VDAC2: variants seen among roughly 807,000 people sequenced by gnomAD.
VDAC2 encodes the protein non-selective voltage-gated ion channel VDAC2.
Under a neutral mutation model 36.6 loss-of-function variants are expected in VDAC2, and 6 were observed. The observed-to-expected ratio is 0.16, with a 90% CI of 0.09 to 0.32. The LOEUF (loss-of-function observed/expected upper bound fraction) is 0.32, where lower values mean the gene tolerates loss of function less well. Ranked by LOEUF, VDAC2 falls within the 10% of genes least tolerant of loss-of-function variation. VDAC2 has a pLI of 1.00. For missense variants in VDAC2, 247 were observed against 346.0 expected (o/e 0.71, Z 2.27); for synonymous variants, 109 against 123.8 (o/e 0.88, Z 0.79).
intron 3 of VDAC2, 149 bp downstream of exon 3, chr10:75,212,447 C>T: frequency 4.1e-6 from 3 of 733,484 alleles, no homozygotes; most frequent in Non-Finnish European, 6.6e-6. Flanking sequence ...GGGTCTCCCT[C>T]TGTTGCCCAG....
intron 4 of VDAC2, among the ~76,000 whole-genome samples, chr10:75,215,851 A>T (rs1405561106): frequency 2.0e-5 from 3 of 151,728 alleles, no homozygotes; most frequent in Non-Finnish European, 4.4e-5. Context: ...CCTCCCAAGT[A>T]GCTGGGATTA....
At chr10:75,211,802 C>A in intron 2 of VDAC2, 1 of 1,086,474 alleles carries the variant, frequency 9.2e-7, no homozygotes, top group Non-Finnish European at 1.3e-6. Flanking sequence ...TTCCCCTCAG[C>A]GAAGATATTA....
chr10:75,213,707 G>A (rs1841503072), intron 3 of VDAC2, among the ~76,000 whole-genome samples: 1 of 152,138 alleles, frequency 6.6e-6, no homozygotes, highest in South Asian at 2.1e-4. Flanking sequence ...TCGTGCCACT[G>A]CACTCCAGCC....
At chr10:75,225,691 A>C (rs573792481) in intron 8 of VDAC2, among the ~76,000 whole-genome samples, 1 of 152,332 alleles carries the variant, frequency 6.6e-6, no homozygotes, top group South Asian at 2.1e-4. Context: ...TCCTGTGACT[A>C]AAGTCTCATT....
chr10:75,229,540 G>A lies in VDAC2; in HGVS notation c.736-104G>A, dbSNP rs868427014. The A allele has an allele frequency of 2.1e-5, 18 of 852,024 alleles. No homozygotes were observed. The Middle Eastern group carries it at 2.3e-3, about 110-fold the overall frequency. The allele number at this position is 852,024 out of a possible 1,614,324, so 52.8% of individuals were successfully genotyped here. ...ATAATATTGAATTTTATTGTCTCAC[G>A]TGAATAAAACTGAACACTTCATGAT... On this transcript the variant is annotated intron_variant, in intron 8 of 9. Transcript: ENST00000332211.
intron 8 of VDAC2, among the ~76,000 whole-genome samples, chr10:75,226,042 C>T (rs796713034): frequency 7.2e-5 from 11 of 152,308 alleles, no homozygotes; most frequent in African/African-American, 2.4e-4. Context: ...ATCCGCCCGC[C>T]TCAGCCTCCC....
chr10:75,230,754 T>C lies in VDAC2; in HGVS notation c.794-144T>C, dbSNP rs1842078591. 4.7e-5 allele frequency: 29 copies of C among 610,694 alleles called. No homozygotes were observed. The South Asian group carries it at 6.9e-4, about 15-fold the overall frequency. 37.8% of individuals were successfully genotyped at this position (610,694 alleles called of 1,614,324 possible). On this transcript the variant is annotated intron_variant, in intron 9 of 9. Transcript: ENST00000332211. Reference sequence around the variant, plus strand: ...GTGTCTCAGATACTTCCAAGCGCCCTCTGGTGGCCAGCACTAGTAGGTCAG... The same window carrying C: ...GTGTCTCAGATACTTCCAAGCGCCCCCTGGTGGCCAGCACTAGTAGGTCAG...
At chr10:75,215,777 A>G (rs1841585532) in intron 4 of VDAC2, among the ~76,000 whole-genome samples, 1 of 149,648 alleles carries the variant, frequency 6.7e-6, no homozygotes, top group Admixed American at 6.7e-5. Context: ...GCTGGAGTGC[A>G]GTGGCATGAT....
intron 3 of VDAC2, among the ~76,000 whole-genome samples, chr10:75,213,510 C>T (rs1410645390): frequency 3.3e-5 from 5 of 151,888 alleles, no homozygotes; most frequent in Non-Finnish European, 5.9e-5. Context: ...TTTGGGAGGC[C>T]GAGGCGGGCA....
upstream of VDAC2, chr10:75,210,659 G>A (rs1389217245): frequency 6.5e-6 from 1 of 153,220 alleles, no homozygotes; most frequent in Admixed American, 6.5e-5. Flanking sequence ...CCGACGGACG[G>A]AGGCAGCCCA....
intron 6 of VDAC2, 134 bp from the exon 7 acceptor site, chr10:75,220,609 T>C: frequency 1.4e-6 from 1 of 727,328 alleles, no homozygotes; most frequent in Non-Finnish European, 2.3e-6. Context: ...GAGCTGACTT[T>C]TTTACTCCCT....
chr10:75,225,153 C>T (rs1505378), intron 8 of VDAC2, among the ~76,000 whole-genome samples: 19,233 of 152,034 alleles, frequency 0.13, 1,502 homozygotes, highest in East Asian at 0.25. Context: ...AGTGACTGGC[C>T]TGAGGAGGAA....
rs188326445 is a variant in VDAC2 at position 75,219,978 on chromosome 10, C to T, written c.356+622C>T. ...GAGTAGCTGGGATCACAGGCATGTG[C>T]CACCACGCCCACCTAATTTTTGTAT... On this transcript the variant is annotated intron_variant, in intron 6 of 9. Transcript: ENST00000332211. 6.7e-3 allele frequency among the ~76,000 whole-genome samples: 1,014 copies of T among 150,788 alleles called. 15 individuals are homozygous for T. The highest frequency in any genetic ancestry group is 5.4e-3 in the Non-Finnish European group (366 of 67,870).
At chr10:75,213,643 C>A (rs1244105622) in intron 3 of VDAC2, among the ~76,000 whole-genome samples, 1 of 152,112 alleles carries the variant, frequency 6.6e-6, no homozygotes, top group Non-Finnish European at 1.5e-5. Context: ...ACTCGGGAGA[C>A]TGAGGCAGGA....
chr10:75,225,257 G>A (rs1285574055), intron 8 of VDAC2, among the ~76,000 whole-genome samples: 2 of 152,192 alleles, frequency 1.3e-5, no homozygotes, highest in African/African-American at 4.8e-5. Context: ...GGTACAAGAT[G>A]ATAAAGATGT....
At chr10:75,214,668 G>T (rs555774633) in intron 4 of VDAC2, among the ~76,000 whole-genome samples, 1 of 152,214 alleles carries the variant, frequency 6.6e-6, no homozygotes, top group Admixed American at 6.5e-5. Context: ...GGAATTACAG[G>T]TGCCTGCCAC....
intron 8 of VDAC2, among the ~76,000 whole-genome samples, chr10:75,228,029 G>A (rs1403923342): frequency 6.6e-6 from 1 of 151,702 alleles, no homozygotes; most frequent in Admixed American, 6.6e-5. Flanking sequence ...CGAGTAGCTG[G>A]GACTATAGGT....
At chr10:75,228,085 G>A (rs1355165596) in intron 8 of VDAC2, among the ~76,000 whole-genome samples, 6 of 151,176 alleles carry the variant, frequency 4.0e-5, no homozygotes, top group African/African-American at 1.5e-4. Context: ...TAGTAGAGAC[G>A]GGGTTTCACC....
intron 8 of VDAC2, among the ~76,000 whole-genome samples, chr10:75,229,156 T>G (rs1352717623): frequency 2.0e-5 from 3 of 149,246 alleles, no homozygotes; most frequent in Non-Finnish European, 4.5e-5. Flanking sequence ...ACTTGTCGTT[T>G]GGAGATTTTT....
Sources: allele counts gnomAD v4.1 joint callset (sites outside exome capture counted in the v4.1 genomes callset), GRCh38; gene constraint gnomAD v4.1.1; transcripts MANE v1.5; gene names NCBI Gene and HGNC (gene_info 2026-07-23, HGNC 2026-07-21).